Variants in IL6R observed in about 807,000 individuals in gnomAD.
IL6R encodes the protein interleukin 6 receptor, also known as interleukin-6 receptor subunit alpha.
IL6R carries 38 observed loss-of-function variants against 48.3 expected under a neutral mutation model. The observed-to-expected ratio is 0.79, with a 90% CI of 0.61 to 1.03. The LOEUF (loss-of-function observed/expected upper bound fraction) is 1.03, where lower values mean the gene tolerates loss of function less well. IL6R is among the 50% of genes least tolerant of loss of function. The probability of loss-of-function intolerance (pLI) is 0.00; values close to 1 mark genes in which losing one functional copy is unlikely to be tolerated. For missense variants in IL6R, 534 were observed against 618.3 expected (o/e 0.86, Z 1.45); for synonymous variants, 264 against 256.2 (o/e 1.03, Z -0.29).
chr1:154,411,057 G>A (rs1687990081), intron 1 of IL6R, among the ~76,000 whole-genome samples: 1 of 152,112 alleles, frequency 6.6e-6, no homozygotes, highest in African/African-American at 2.4e-5. Flanking sequence ...GGAAACAAAT[G>A]TCTTTTGTTT....
intron 7 of IL6R, among the ~76,000 whole-genome samples, chr1:154,448,552 A>G (rs1690402348): frequency 6.6e-6 from 1 of 152,194 alleles, no homozygotes; most frequent in Non-Finnish European, 1.5e-5. Flanking sequence ...CTGCTTAACA[A>G]ATTCCTTGAG....
rs1281163284 is a variant in IL6R, at chr1:154,416,531, T to C, written c.85+10817T>C. Among the ~76,000 whole-genome samples the C allele has an allele frequency of 3.3e-5, 5 of 152,200 alleles. No homozygotes were observed. The South Asian group carries it at 8.3e-4, about 25-fold the overall frequency. Reference sequence around the variant, plus strand: ...CTCTTGGTAGGCCTGATGGGGCTTATGATGAGGGAGGAGGAGCTGGGGCAG... The same window carrying C: ...CTCTTGGTAGGCCTGATGGGGCTTACGATGAGGGAGGAGGAGCTGGGGCAG... On this transcript the variant is annotated intron_variant, in intron 1 of 9. Coordinates refer to ENST00000368485, the MANE Select transcript of IL6R (RefSeq NM_000565.4).
chr1:154,433,190 G>T (rs375038457), intron 3 of IL6R, among the ~76,000 whole-genome samples: 6 of 152,234 alleles, frequency 3.9e-5, no homozygotes, highest in African/African-American at 9.6e-5. Flanking sequence ...GCCTGGAAAG[G>T]TTGGGTTTGT....
chr1:154,405,768 C>T lies in IL6R; in HGVS notation c.85+54C>T, dbSNP rs1006347692. The T allele has an allele frequency of 3.1e-6, 4 of 1,279,794 alleles. No homozygotes were observed. Among genetic ancestry groups the T allele is most frequent in the South Asian group, 1.6e-5 (1 of 63,098 alleles). The allele number at this position is 1,279,794 out of a possible 1,614,324, so 79.3% of individuals were successfully genotyped here. A position where few individuals can be genotyped will look rare whatever the true frequency, so the allele number is the denominator to read the frequency against. ...TGGGGCAGCTAGCGGCTGGGGGAAACCGCCTTGGTCACCGCAGTCTGTGGG... is the reference window on the plus strand; with the variant it reads ...TGGGGCAGCTAGCGGCTGGGGGAAATCGCCTTGGTCACCGCAGTCTGTGGG... On this transcript the variant is annotated intron_variant, in intron 1 of 9. Coordinates refer to ENST00000368485, the MANE Select transcript of IL6R (RefSeq NM_000565.4). This position sits in a 1 kb window ranked among gnomAD's most constrained non-coding sequence, Gnocchi z 5.2.
intron 3 of IL6R, among the ~76,000 whole-genome samples, chr1:154,431,070 C>G (rs1332776661): frequency 6.6e-6 from 1 of 151,958 alleles, no homozygotes; most frequent in Non-Finnish European, 1.5e-5. Flanking sequence ...TGTCTGGGCC[C>G]TTGTGGGCGT....
intron 1 of IL6R, chr1:154,418,502 C>CAGGG: frequency 1.4e-6 from 1 of 722,670 alleles, no homozygotes; most frequent in Non-Finnish European, 1.7e-6. Context: ...GAGGAGGGAG[C>CAGGG]AGGGGCCTGC....
intron 6 of IL6R, chr1:154,437,424 T>G (rs1425979400): frequency 2.6e-6 from 1 of 385,868 alleles, no homozygotes. Flanking sequence ...TAAATTTTTT[T>G]TTTTTTGAAG....
At chr1:154,445,038 C>T (rs760081600) in intron 6 of IL6R, 1 of 455,246 alleles carries the variant, frequency 2.2e-6, no homozygotes, top group Non-Finnish European at 4.4e-6. Context: ...CTGTACTTGT[C>T]TCCACTAGGC....
At chr1:154,458,737 CTA>C (rs1691065847) in intron 9 of IL6R, among the ~76,000 whole-genome samples, 1 of 151,950 alleles carries the variant, frequency 6.6e-6, no homozygotes, top group African/African-American at 2.4e-5. Context: ...CCTGTCTCTA[CTA>C]AAAATACAAA....
intron 2 of IL6R, 127 bp from the exon 3 acceptor site, chr1:154,430,356 T>C: frequency 2.5e-6 from 3 of 1,211,634 alleles, no homozygotes; most frequent in Non-Finnish European, 3.4e-6. Context: ...GGGTCCTGAC[T>C]AGCTCCAGGG....
intron 7 of IL6R, 75 bp from the exon 8 acceptor site, chr1:154,449,836 G>A: frequency 1.1e-6 from 1 of 904,032 alleles, no homozygotes; most frequent in Non-Finnish European, 1.9e-6. Flanking sequence ...CTGAGGAGGA[G>A]GTAACTCCTG....
intron 8 of IL6R, chr1:154,454,092 C>A: frequency 4.4e-6 from 1 of 229,862 alleles, no homozygotes; most frequent in South Asian, 6.5e-5. Context: ...TCAAGGAGGT[C>A]CCCAAAGCCT....
intron 6 of IL6R, among the ~76,000 whole-genome samples, chr1:154,444,600 A>G (rs1461978402): frequency 2.6e-5 from 4 of 152,194 alleles, no homozygotes; most frequent in Non-Finnish European, 4.4e-5. Context: ...ATAATTTCAT[A>G]AAAGAAAGGA....
chr1:154,454,359 G>A (rs1690751897), intron 8 of IL6R, 129 bp from the exon 9 acceptor site: 1 of 632,472 alleles, frequency 1.6e-6, no homozygotes, highest in Non-Finnish European at 2.8e-6. Flanking sequence ...TTTTCTGGGA[G>A]GGGGGTTGGA....
At chr1:154,464,420 G>A (rs1009557597) in intron 9 of IL6R, among the ~76,000 whole-genome samples, 1 of 152,082 alleles carries the variant, frequency 6.6e-6, no homozygotes, top group Non-Finnish European at 1.5e-5. Context: ...CTCCCAATGT[G>A]TGGGGATTAC....
chr1:154,450,338 C>A (rs983757153), intron 8 of IL6R, among the ~76,000 whole-genome samples: 16 of 152,092 alleles, frequency 1.1e-4, no homozygotes, highest in African/African-American at 3.9e-4. Context: ...GTTGGCCAGG[C>A]TGGTCTTGAA....
intron 1 of IL6R, among the ~76,000 whole-genome samples, chr1:154,426,956 T>C (rs1689011356): frequency 1.3e-5 from 2 of 151,988 alleles, no homozygotes; most frequent in African/African-American, 4.8e-5. Context: ...TTCGCTCTTT[T>C]TGCCCAGGCT....
intron 1 of IL6R, among the ~76,000 whole-genome samples, chr1:154,411,586 G>C (rs1688021868): frequency 6.6e-6 from 1 of 152,228 alleles, no homozygotes; most frequent in Non-Finnish European, 1.5e-5. Context: ...GTCTCTGAGA[G>C]AGGCCGCTGA....
chr1:154,457,340 A>AAAG (rs1200879558), intron 9 of IL6R, among the ~76,000 whole-genome samples: 7 of 151,102 alleles, frequency 4.6e-5, no homozygotes, highest in African/African-American at 1.7e-4. Flanking sequence ...AAAAAAAAAA[A>AAAG]AAAAGAAAAG....
Sources: gnomAD v4.1 joint callset for allele counts (sites outside exome capture counted in the v4.1 genomes callset) on GRCh38, gnomAD v4.1.1 for gene constraint, Gnocchi (gnomAD v3.1) non-coding constraint, MANE v1.5 for transcripts, NCBI Gene and HGNC (gene_info 2026-07-23, HGNC 2026-07-21) for gene names.